Variants in SLC25A33 observed in about 807,000 individuals in gnomAD.
The protein encoded by SLC25A33 is bone marrow stromal cell mitochondrial carrier protein.
Under a neutral mutation model 35.5 loss-of-function variants are expected in SLC25A33, and 15 were observed. The observed-to-expected ratio is 0.42, with a 90% CI of 0.28 to 0.65. SLC25A33 has a LOEUF of 0.65. Ranked by LOEUF, SLC25A33 falls within the 30% of genes least tolerant of loss-of-function variation. The probability of loss-of-function intolerance (pLI) is 0.20; values close to 1 mark genes in which losing one functional copy is unlikely to be tolerated. For missense variants in SLC25A33, 257 were observed against 398.5 expected, an observed-to-expected ratio of 0.64 and a Z score of 3.02; for synonymous variants, 136 against 148.7, an observed-to-expected ratio of 0.91 and a Z score of 0.62.
At chr1:9,549,984 A>AT (rs1256333682) in intron 1 of SLC25A33, among the ~76,000 whole-genome samples, 1 of 91,498 alleles carries the variant, frequency 1.1e-5, no homozygotes. Context: ...ATGTATATAT[A>AT]TTTTTTCTAT....
At chr1:9,556,693 G>C (rs535179245) in intron 2 of SLC25A33, among the ~76,000 whole-genome samples, 4 of 151,834 alleles carry the variant, frequency 2.6e-5, no homozygotes, top group South Asian at 4.2e-4. Context: ...GTGTGTGTGT[G>C]TGTGTGTCTG....
chr1:9,567,218 CTCTT>C (rs2100399088), intron 2 of SLC25A33, 62 bp from the exon 3 acceptor site: 21 of 1,327,564 alleles, frequency 1.6e-5, no homozygotes, highest in Non-Finnish European at 2.1e-5. Flanking sequence ...AGAAGGTTGA[CTCTT>C]TATCATTTTT....
chr1:9,543,285 A>G (rs944966427), intron 1 of SLC25A33, among the ~76,000 whole-genome samples: 9 of 151,920 alleles, frequency 5.9e-5, no homozygotes, highest in Non-Finnish European at 1.3e-4. Flanking sequence ...CTGGGATTAA[A>G]GGCTCACGCC....
At chr1:9,568,451 AAAAAC>A (rs1301490685) in intron 3 of SLC25A33, among the ~76,000 whole-genome samples, 1 of 152,120 alleles carries the variant, frequency 6.6e-6, no homozygotes, top group Non-Finnish European at 1.5e-5. Flanking sequence ...CTCAAAAAGA[AAAAAC>A]AAAACAAAAC....
intron 3 of SLC25A33, 49 bp downstream of exon 3, chr1:9,567,410 T>C (rs1643526131): frequency 1.9e-6 from 3 of 1,544,288 alleles, no homozygotes; most frequent in Non-Finnish European, 2.7e-6. Context: ...TATGGAATTC[T>C]GGGTCCTTTC....
At chr1:9,548,553 GC>G (rs1643214220) in intron 1 of SLC25A33, among the ~76,000 whole-genome samples, 1 of 152,192 alleles carries the variant, frequency 6.6e-6, no homozygotes, top group South Asian at 2.1e-4. Flanking sequence ...CTGCACTCCA[GC>G]CTGGGTGACA....
Position 9,562,045 on chromosome 1 carries a change from G to A in SLC25A33, c.237-5239G>A, listed in dbSNP as rs542021831. ...TCGCCTGGCGACAGAGCAAGACTCCGTCTCAAAAAAAAAAAAAAAGGGGCA... is the reference window on the plus strand; with the variant it reads ...TCGCCTGGCGACAGAGCAAGACTCCATCTCAAAAAAAAAAAAAAAGGGGCA... On this transcript the variant is annotated intron_variant, in intron 2 of 6. Coordinates refer to ENST00000302692, the MANE Select transcript of SLC25A33 (RefSeq NM_032315.3). Among the ~76,000 whole-genome samples, 539 of 119,738 alleles carry A rather than the reference G, an allele frequency of 4.5e-3. 3 individuals are homozygous for A. The highest frequency in any genetic ancestry group is 5.4e-3 in the Non-Finnish European group (317 of 58,862). The allele number at this position is 119,738 out of a possible 152,430, so 78.6% of individuals were successfully genotyped here. A position where few individuals can be genotyped will look rare whatever the true frequency, so the allele number is the denominator to read the frequency against.
intron 2 of SLC25A33, among the ~76,000 whole-genome samples, chr1:9,563,993 G>C (rs979612046): frequency 1.3e-5 from 2 of 152,064 alleles, no homozygotes; most frequent in African/African-American, 4.8e-5. Flanking sequence ...ATGATTATTT[G>C]TGAGCTAGAT....
rs1643304782 is a variant in SLC25A33, at chr1:9,553,914, G to A, written c.236+109G>A. 17 of 1,216,354 alleles carry A rather than the reference G, an allele frequency of 1.4e-5. No homozygotes were observed. In the South Asian group the frequency reaches 2.0e-4, roughly 14 times the overall value. The allele number at this position is 1,216,354 out of a possible 1,614,324, so 75.3% of individuals were successfully genotyped here. A position where few individuals can be genotyped will look rare whatever the true frequency, so the allele number is the denominator to read the frequency against. ...TGTGATGTTCTGTTTGCATAGCCTT[G>A]GTCCTAACTTAAGAATTAGATTTCT... On this transcript the variant is annotated intron_variant, in intron 2 of 6. Transcript: ENST00000302692.
At chr1:9,546,174 ATTTTTT>A (rs746460317) in intron 1 of SLC25A33, among the ~76,000 whole-genome samples, 2 of 100,520 alleles carry the variant, frequency 2.0e-5, no homozygotes, top group African/African-American at 4.6e-5. Context: ...ACACAGAGAA[ATTTTTT>A]TTTTTTTTTT....
At chr1:9,548,481 G>T (rs192285789) in intron 1 of SLC25A33, among the ~76,000 whole-genome samples, 8 of 152,162 alleles carry the variant, frequency 5.3e-5, no homozygotes, top group African/African-American at 1.7e-4. Flanking sequence ...ACTCATGAGG[G>T]TGAGGCATGA....
intron 1 of SLC25A33, among the ~76,000 whole-genome samples, chr1:9,541,924 C>G (rs1049595395): frequency 1.3e-5 from 2 of 151,890 alleles, no homozygotes; most frequent in African/African-American, 4.8e-5. Flanking sequence ...CTCAGCCTCC[C>G]GAATAGCTGG....
intron 2 of SLC25A33, among the ~76,000 whole-genome samples, chr1:9,558,348 C>T (rs1643374923): frequency 6.6e-6 from 1 of 152,230 alleles, no homozygotes; most frequent in South Asian, 2.1e-4. Flanking sequence ...CTTACAACCT[C>T]TGGCTGTTGG....
Position 9,578,008 on chromosome 1 carries a change from C to T in SLC25A33, c.483-1946C>T, listed in dbSNP as rs967607591. On this transcript the variant is annotated intron_variant, in intron 5 of 6. Coordinates refer to ENST00000302692, the MANE Select transcript of SLC25A33 (RefSeq NM_032315.3). This position sits in a 1 kb window ranked among gnomAD's most constrained non-coding sequence, Gnocchi z 4.3. ...GTGCATCTCAGCTCACTGCGAGCTCCGCCTCCCGGGTGCACGCCATTCTCC... is the reference window on the plus strand; with the variant it reads ...GTGCATCTCAGCTCACTGCGAGCTCTGCCTCCCGGGTGCACGCCATTCTCC... Among the ~76,000 whole-genome samples, 3 of 152,078 alleles carry T rather than the reference C, an allele frequency of 2.0e-5. No homozygotes were observed. The highest frequency in any genetic ancestry group is 2.9e-5 in the Non-Finnish European group (2 of 68,000).
intron 5 of SLC25A33, chr1:9,576,848 C>A: frequency 8.1e-7 from 1 of 1,237,880 alleles, no homozygotes; most frequent in Non-Finnish European, 1.2e-6. Flanking sequence ...GAATTTAATC[C>A]TTGAAGGAAA....
intron 1 of SLC25A33, among the ~76,000 whole-genome samples, chr1:9,542,273 C>T (rs553199036): frequency 1.3e-5 from 2 of 152,136 alleles, no homozygotes; most frequent in East Asian, 3.9e-4. Flanking sequence ...CAGCCTTATA[C>T]CTTGTGATGG....
chr1:9,572,494 TG>T (rs1457087538), intron 4 of SLC25A33, among the ~76,000 whole-genome samples: 1 of 150,892 alleles, frequency 6.6e-6, no homozygotes, highest in Non-Finnish European at 1.5e-5. Context: ...GGCGGGCACC[TG>T]TAGTCCCAGC....
chr1:9,579,287 C>T (rs1049757794), intron 5 of SLC25A33, among the ~76,000 whole-genome samples: 7 of 152,164 alleles, frequency 4.6e-5, no homozygotes, highest in African/African-American at 1.4e-4. Context: ...GACAGCCCCA[C>T]AGATTGGGGG....
In SLC25A33 at chr1:9,582,590, G is replaced by A. The variant is rs1191680709; in HGVS notation, c.*89G>A. 3.1e-6 allele frequency: 4 copies of A among 1,302,416 alleles called. No individual in the cohort carries two copies. The African/African-American group carries it at 4.5e-5, about 15-fold the overall frequency. 80.7% of individuals were successfully genotyped at this position (1,302,416 alleles called of 1,614,324 possible). ...ATTGATGTTTAGAAAGTTTGAGACT[G>A]AAACAGGAAAGGCCATAAAATATCT... On this transcript the variant is annotated 3_prime_UTR_variant, in exon 7 of 7. Coordinates refer to ENST00000302692, the MANE Select transcript of SLC25A33 (RefSeq NM_032315.3). The surrounding 1 kb of genome is among the most constrained non-coding windows in gnomAD (Gnocchi z 4.0).
Sources: allele counts gnomAD v4.1 joint callset (sites outside exome capture counted in the v4.1 genomes callset), GRCh38; gene constraint gnomAD v4.1.1; non-coding constraint Gnocchi (gnomAD v3.1); transcripts MANE v1.5; gene names NCBI Gene and HGNC (gene_info 2026-07-23, HGNC 2026-07-21).